Variants in CCDC181 observed in about 807,000 individuals in gnomAD.
CCDC181 encodes the protein coiled-coil domain containing 181.
In CCDC181, 35 loss-of-function variants were observed where a neutral mutation model predicts 58.7. That is an observed-to-expected ratio of 0.60 (90% CI 0.46 to 0.79). The LOEUF (loss-of-function observed/expected upper bound fraction) is 0.79. Among genes scored for constraint, CCDC181 ranks in the 30% least tolerant of loss-of-function variants. The pLI, the probability that CCDC181 is intolerant of heterozygous loss-of-function variation, is 0.00. For synonymous variants in CCDC181, 183 were observed against 197.5 expected, an observed-to-expected ratio of 0.93 and a Z score of 0.62; for missense variants, 517 against 583.9, an observed-to-expected ratio of 0.89 and a Z score of 1.18.
chr1:169,425,495 G>T (rs1380810660), intron 1 of CCDC181, among the ~76,000 whole-genome samples: 1 of 152,036 alleles, frequency 6.6e-6, no homozygotes, highest in African/African-American at 2.4e-5. Flanking sequence ...GGACTCAAAA[G>T]TAAGCCCTTC....
chr1:169,423,732 T>C (rs550648343), intron 2 of CCDC181, among the ~76,000 whole-genome samples: 1 of 152,126 alleles, frequency 6.6e-6, no homozygotes, highest in South Asian at 2.1e-4. Flanking sequence ...GCTTTGGATC[T>C]CACACCCTTC....
chr1:169,399,073 G>C (rs977549992), intron 4 of CCDC181, among the ~76,000 whole-genome samples: 28 of 152,206 alleles, frequency 1.8e-4, no homozygotes, highest in African/African-American at 6.8e-4. Context: ...TAGGGATCAG[G>C]TAATGTATAA....
At chr1:169,411,631 T>G (rs1489248621) in intron 4 of CCDC181, among the ~76,000 whole-genome samples, 1 of 152,078 alleles carries the variant, frequency 6.6e-6, no homozygotes, top group Non-Finnish European at 1.5e-5. Context: ...ATGTGAAAAT[T>G]CGCAATAAAA....
chr1:169,454,949 C>T (rs146061244), intron 2 of CCDC181, among the ~76,000 whole-genome samples: 16 of 151,972 alleles, frequency 1.1e-4, no homozygotes, highest in Non-Finnish European at 2.1e-4. Flanking sequence ...ACAACATAGA[C>T]GGCTACTTGT....
rs746096148 is a variant in CCDC181 at position 169,422,210 on chromosome 1, T to C, written c.221A>G (p.Asp74Gly). Residue 74 changes from aspartate (D) to glycine (G), a missense_variant, in exon 3 of 6, where the codon GAT becomes GGT. Physicochemically the swap from Asp to Gly is moderately conservative, Grantham distance 94 (BLOSUM62 -1). Transcript: ENST00000367806. ...GTCATTTCTTCTTGGTGAGACCTCA[T>C]CCTGCAAAGATTTGTCAGGATCAGA... ...RHSDPDKSLQ[D>G]EVSPRRNDII... is the part of the protein sequence containing the mutation. The C allele has an allele frequency of 6.2e-7, 1 of 1,613,782 alleles. No individual in the cohort carries two copies. The highest frequency in any genetic ancestry group is 1.3e-5 in the African/African-American group (1 of 75,038).
At chr1:169,416,327 G>T (rs1656212852) in intron 4 of CCDC181, among the ~76,000 whole-genome samples, 1 of 152,174 alleles carries the variant, frequency 6.6e-6, no homozygotes, top group Non-Finnish European at 1.5e-5. Flanking sequence ...CAAGTTTGAT[G>T]AGAGAACCTG....
At chr1:169,457,345 T>C (rs1396941782) in intron 2 of CCDC181, among the ~76,000 whole-genome samples, 1 of 152,148 alleles carries the variant, frequency 6.6e-6, no homozygotes, top group Non-Finnish European at 1.5e-5. Context: ...TATCTATTCA[T>C]TCCTTCTGAG....
intron 2 of CCDC181, among the ~76,000 whole-genome samples, chr1:169,446,109 C>G (rs1657365157): frequency 6.6e-6 from 1 of 152,088 alleles, no homozygotes; most frequent in Non-Finnish European, 1.5e-5. Flanking sequence ...GATTTCTCCT[C>G]TAATTTTTAT....
chr1:169,397,405 C>T lies in CCDC181; in HGVS notation c.1216-14G>A. ...TCTGTTTTCCTGCTGATTAGAAAAACAAGCTTTACTTAGTTTAGATAAACA... is the reference window on the plus strand; with the variant it reads ...TCTGTTTTCCTGCTGATTAGAAAAATAAGCTTTACTTAGTTTAGATAAACA... On this transcript the variant is annotated splice_polypyrimidine_tract_variant and intron_variant, in intron 4 of 5. Coordinates refer to ENST00000367806, the MANE Select transcript of CCDC181 (RefSeq NM_001300969.2). The T allele has an allele frequency of 6.3e-7, 1 of 1,592,396 alleles. No homozygotes were observed.
intron 4 of CCDC181, among the ~76,000 whole-genome samples, chr1:169,408,954 A>C (rs1447378207): frequency 6.6e-6 from 1 of 152,226 alleles, no homozygotes; most frequent in African/African-American, 2.4e-5. Flanking sequence ...AAAGGCTGAA[A>C]ATTCCAAAAA....
intron 2 of CCDC181, among the ~76,000 whole-genome samples, chr1:169,446,863 C>T (rs944130530): frequency 1.3e-5 from 2 of 152,136 alleles, no homozygotes; most frequent in Non-Finnish European, 2.9e-5. Context: ...ACCATGTGTA[C>T]TTAATGTTAT....
chr1:169,426,478 C>T (rs1281261579), intron 1 of CCDC181, among the ~76,000 whole-genome samples: 1 of 152,136 alleles, frequency 6.6e-6, no homozygotes, highest in South Asian at 2.1e-4. Context: ...TAGTAAGAGA[C>T]GGAAATAAAT....
At chr1:169,433,501 T>C (rs1656973441) in intron 2 of CCDC181, among the ~76,000 whole-genome samples, 1 of 151,976 alleles carries the variant, frequency 6.6e-6, no homozygotes, top group Non-Finnish European at 1.5e-5. Flanking sequence ...AAGAACAAAG[T>C]TGGAGCACTA....
At chr1:169,405,510 A>C (rs1655598264) in intron 4 of CCDC181, among the ~76,000 whole-genome samples, 1 of 152,236 alleles carries the variant, frequency 6.6e-6, no homozygotes, top group African/African-American at 2.4e-5. Flanking sequence ...CCACATATCT[A>C]CAACCATCTG....
rs1655711802 is a variant in CCDC181, at chr1:169,407,226, AAAG to A, written c.1216-9838_1216-9836del. Among the ~76,000 whole-genome samples the A allele has an allele frequency of 2.0e-5, 3 of 152,298 alleles. No homozygotes were observed. In the South Asian group the frequency reaches 6.2e-4, roughly 32 times the overall value. ...TAAAAACCAAAGCCAGGAAAATTTT[AAAG>A]AAGCCAGAGGAAAAAGATTTATTAT... On this transcript the variant is annotated intron_variant, in intron 4 of 5. Coordinates refer to ENST00000367806, the MANE Select transcript of CCDC181 (RefSeq NM_001300969.2).
chr1:169,430,668 GAA>G (rs35082762), upstream of CCDC181, among the ~76,000 whole-genome samples: 4,452 of 148,322 alleles, frequency 0.03, 184 homozygotes, highest in African/African-American at 0.1. Flanking sequence ...CAAAGAATTG[GAA>G]AAAAAAAAAC....
upstream of CCDC181, among the ~76,000 whole-genome samples, chr1:169,431,815 T>C (rs1295602857): frequency 6.6e-6 from 1 of 152,164 alleles, no homozygotes; most frequent in African/African-American, 2.4e-5. Context: ...TGATTACTGC[T>C]TCTGATCAAG....
intron 4 of CCDC181, among the ~76,000 whole-genome samples, chr1:169,412,781 C>A (rs1301910619): frequency 6.6e-6 from 1 of 152,122 alleles, no homozygotes. Context: ...GGAAAGGATT[C>A]CTTATTTAAT....
chr1:169,418,010 T>C (rs1189982379), intron 4 of CCDC181, among the ~76,000 whole-genome samples: 1 of 152,184 alleles, frequency 6.6e-6, no homozygotes, highest in African/African-American at 2.4e-5. Context: ...TCATTCACTC[T>C]CACACACCGT....
Sources: allele counts gnomAD v4.1 joint callset (sites outside exome capture counted in the v4.1 genomes callset), GRCh38; gene constraint gnomAD v4.1.1; transcripts MANE v1.5; gene names NCBI Gene and HGNC (gene_info 2026-07-23, HGNC 2026-07-21).